Variants in CNTNAP2 observed in about 807,000 individuals in gnomAD.
The protein encoded by CNTNAP2 is contactin-associated protein-like 2.
A neutral mutation model predicts 155.2 loss-of-function variants in CNTNAP2; 98 were observed. The ratio of observed to expected loss-of-function variants is 0.63; its 90% CI spans 0.54 to 0.75. The LOEUF (loss-of-function observed/expected upper bound fraction) is 0.75, where lower values mean the gene tolerates loss of function less well. Among genes scored for constraint, CNTNAP2 ranks in the 30% least tolerant of loss-of-function variants. The pLI is 0.00. For synonymous variants in CNTNAP2, 651 were observed against 631.2 expected (o/e 1.03, Z -0.47); for missense variants, 1,727 against 1,688.1 (o/e 1.02, Z -0.40).
chr7:146,889,301 A>G (rs1360792565), intron 3 of CNTNAP2, among the ~76,000 whole-genome samples: 1 of 152,164 alleles, frequency 6.6e-6, no homozygotes, highest in African/African-American at 2.4e-5. Context: ...AAATATGTGT[A>G]AATCTTCTTT....
chr7:147,705,322 AG>A (rs561347705), intron 13 of CNTNAP2, among the ~76,000 whole-genome samples: 129 of 152,244 alleles, frequency 8.5e-4, no homozygotes, highest in African/African-American at 3.1e-3. Flanking sequence ...ATCATTCAAG[AG>A]CATGTTGGTT....
At chr7:147,691,614 G>C (rs554932494) in intron 13 of CNTNAP2, among the ~76,000 whole-genome samples, 3 of 152,218 alleles carry the variant, frequency 2.0e-5, no homozygotes, top group African/African-American at 7.2e-5. Flanking sequence ...CACATTTGCG[G>C]TGTCAAGAGC....
chr7:147,287,919 C>A (rs943173106), intron 8 of CNTNAP2, among the ~76,000 whole-genome samples: 23 of 152,142 alleles, frequency 1.5e-4, no homozygotes, highest in African/African-American at 5.6e-4. Flanking sequence ...TCGTCTCTTG[C>A]CCTAATGACG....
chr7:148,181,741 C>CTTTTTTTTTTTTTTTT lies in CNTNAP2; in HGVS notation c.3010+9282_3010+9297dup, dbSNP rs71527884. ...ATAACTTTTGTTTCAAGTGTGTGCC[C>CTTTTTTTTTTTTTTTT]TTTTTTTTTTTTTTTTTTTTTTTTT... On this transcript the variant is annotated intron_variant, in intron 18 of 23. Coordinates refer to ENST00000361727, the MANE Select transcript of CNTNAP2 (RefSeq NM_014141.6). Among the ~76,000 whole-genome samples the CTTTTTTTTTTTTTTTT allele has an allele frequency of 6.2e-5, 3 of 48,646 alleles. 1 individual carries two copies. Among genetic ancestry groups the CTTTTTTTTTTTTTTTT allele is most frequent in the African/African-American group, 2.7e-4 (3 of 10,994 alleles). 31.9% of individuals were successfully genotyped at this position (48,646 alleles called of 152,430 possible).
intron 8 of CNTNAP2, among the ~76,000 whole-genome samples, chr7:147,288,984 A>G (rs765652373): frequency 2.0e-5 from 3 of 152,158 alleles, no homozygotes; most frequent in Non-Finnish European, 2.9e-5. Flanking sequence ...CTGTCTCTCA[A>G]TAGTATCAGG....
At chr7:147,220,685 C>T (rs548322499) in intron 8 of CNTNAP2, among the ~76,000 whole-genome samples, 82 of 152,018 alleles carry the variant, frequency 5.4e-4, no homozygotes, top group Non-Finnish European at 1.0e-3. Context: ...GTGTTCTCTC[C>T]TCACTTAGCA....
At chr7:147,582,082 C>T (rs1385267741) in intron 12 of CNTNAP2, among the ~76,000 whole-genome samples, 2 of 152,108 alleles carry the variant, frequency 1.3e-5, no homozygotes, top group African/African-American at 4.8e-5. Flanking sequence ...AAAGAATTTT[C>T]ATAATAGCCT....
intron 13 of CNTNAP2, among the ~76,000 whole-genome samples, chr7:147,716,077 C>T (rs185279932): frequency 1.5e-4 from 23 of 152,224 alleles, no homozygotes; most frequent in Admixed American, 1.2e-3. Context: ...AGAGCCAGTT[C>T]TTACTCTGGT....
At chr7:147,153,942 G>C (rs976720865) in intron 8 of CNTNAP2, among the ~76,000 whole-genome samples, 5 of 152,122 alleles carry the variant, frequency 3.3e-5, no homozygotes, top group African/African-American at 9.7e-5. Flanking sequence ...TGGAGTATAA[G>C]TTGAAGGCAA....
chr7:147,586,643 G>A (rs188129849), intron 12 of CNTNAP2, among the ~76,000 whole-genome samples: 7 of 151,864 alleles, frequency 4.6e-5, no homozygotes, highest in Non-Finnish European at 8.8e-5. Flanking sequence ...AAACAAAACG[G>A]AAATACCCTT....
At chr7:148,213,090 C>A (rs577691022) in intron 18 of CNTNAP2, among the ~76,000 whole-genome samples, 1 of 152,118 alleles carries the variant, frequency 6.6e-6, no homozygotes. Flanking sequence ...CTCACCCAGG[C>A]GGGGACCACT....
chr7:146,900,704 G>C (rs1048171428), intron 3 of CNTNAP2, among the ~76,000 whole-genome samples: 12 of 152,094 alleles, frequency 7.9e-5, no homozygotes, highest in African/African-American at 2.9e-4. Context: ...CAGTACCTCT[G>C]TCAGCTTTCT....
intron 1 of CNTNAP2, among the ~76,000 whole-genome samples, chr7:146,471,238 C>T (rs1796793132): frequency 6.6e-6 from 1 of 152,132 alleles, no homozygotes; most frequent in African/African-American, 2.4e-5. Flanking sequence ...TCTTGTTCTC[C>T]ATTGTTTACT....
chr7:147,718,404 G>A (rs1168752818), intron 13 of CNTNAP2, among the ~76,000 whole-genome samples: 14 of 152,084 alleles, frequency 9.2e-5, no homozygotes. Flanking sequence ...AATGCATGAT[G>A]TTGTTGGAAA....
intron 1 of CNTNAP2, among the ~76,000 whole-genome samples, chr7:146,614,275 T>C (rs347209): frequency 0.66 from 100,603 of 152,122 alleles, 34,934 homozygotes; most frequent in African/African-American, 0.85. Context: ...ATATTTTATG[T>C]GTAAGCTTTA....
rs564956687 is a variant in CNTNAP2, at chr7:148,104,181, CTG to C, written c.2384-13935_2384-13934del. Among the ~76,000 whole-genome samples the C allele has an allele frequency of 1.1e-4, 17 of 152,288 alleles. No individual in the cohort carries two copies. In the South Asian group the frequency reaches 3.5e-3, roughly 32 times the overall value. On this transcript the variant is annotated intron_variant, in intron 15 of 23. Coordinates refer to ENST00000361727, the MANE Select transcript of CNTNAP2 (RefSeq NM_014141.6). ...TGCTCTCCCCTGAGACATGTGGACT[CTG>C]TTACTGTTTTCAGCAGGAAAATCAT...
chr7:146,729,919 C>T (rs749293990), intron 1 of CNTNAP2, among the ~76,000 whole-genome samples: 3 of 152,118 alleles, frequency 2.0e-5, no homozygotes, highest in Non-Finnish European at 2.9e-5. Context: ...AAAATGCTAA[C>T]AAGTTTTTAG....
intron 1 of CNTNAP2, among the ~76,000 whole-genome samples, chr7:146,677,821 G>A (rs1266800659): frequency 6.6e-6 from 1 of 152,022 alleles, no homozygotes; most frequent in Admixed American, 6.5e-5. Context: ...AGGATAAGGG[G>A]TGAAGCAGCT....
intron 13 of CNTNAP2, among the ~76,000 whole-genome samples, chr7:147,885,338 C>G (rs1799585963): frequency 6.6e-6 from 1 of 152,178 alleles, no homozygotes; most frequent in African/African-American, 2.4e-5. Context: ...TTGAGATATT[C>G]TCCAAGGCAA....
Sources: allele counts gnomAD v4.1 joint callset (sites outside exome capture counted in the v4.1 genomes callset), GRCh38; gene constraint gnomAD v4.1.1; transcripts MANE v1.5; gene names NCBI Gene and HGNC (gene_info 2026-07-23, HGNC 2026-07-21).